The following BIK variants were observed in gnomAD, a reference collection of about 807,000 sequenced individuals.
The protein encoded by BIK is BCL2 interacting killer.
In BIK, 14 loss-of-function variants were observed where a neutral mutation model predicts 12.1. That is an observed-to-expected ratio of 1.16 (90% CI 0.77 to 1.81). The LOEUF (loss-of-function observed/expected upper bound fraction) is 1.81, where lower values mean the gene tolerates loss of function less well. BIK is among the 40% of genes most tolerant of loss of function. BIK has a pLI of 0.00. For synonymous variants in BIK, 86 were observed against 92.3 expected, an observed-to-expected ratio of 0.93 and a Z score of 0.39; for missense variants, 215 against 207.9, an observed-to-expected ratio of 1.03 and a Z score of -0.21.
intron 1 of BIK, among the ~76,000 whole-genome samples, chr22:43,116,688 A>AC (rs1930120258): frequency 1.3e-5 from 2 of 151,730 alleles, no homozygotes; most frequent in Non-Finnish European, 2.9e-5. Flanking sequence ...CGATCTCCTG[A>AC]CCTCGTGATC....
chr22:43,120,205 T>C (rs1193583572), intron 1 of BIK, among the ~76,000 whole-genome samples: 1 of 152,150 alleles, frequency 6.6e-6, no homozygotes, highest in African/African-American at 2.4e-5. Flanking sequence ...CCACTTGTTT[T>C]TGAGACAAGT....
chr22:43,129,171 G>T, intron 4 of BIK, 42 bp from the exon 5 acceptor site: 1 of 1,600,670 alleles, frequency 6.2e-7, no homozygotes. Context: ...CCCCATTGCC[G>T]GGGCCTGCCC....
intron 1 of BIK, among the ~76,000 whole-genome samples, chr22:43,111,749 A>C (rs1166075545): frequency 6.6e-6 from 1 of 152,106 alleles, no homozygotes; most frequent in Non-Finnish European, 1.5e-5. Context: ...TGGGAGCCCG[A>C]GCTTCCCAGG....
At chr22:43,122,960 A>T (rs566794387) in intron 1 of BIK, among the ~76,000 whole-genome samples, 1 of 152,140 alleles carries the variant, frequency 6.6e-6, no homozygotes, top group Non-Finnish European at 1.5e-5. Flanking sequence ...ACCAGCTGCA[A>T]GGGATGCTGG....
chr22:43,128,685 C>G, intron 4 of BIK, 60 bp downstream of exon 4: 4 of 1,552,182 alleles, frequency 2.6e-6, no homozygotes, highest in Non-Finnish European at 3.5e-6. Context: ...GCTGTCAGAG[C>G]CGCTCCTTGG....
At chr22:43,111,801 G>A (rs903416374) in intron 1 of BIK, among the ~76,000 whole-genome samples, 2 of 152,178 alleles carry the variant, frequency 1.3e-5, no homozygotes, top group Non-Finnish European at 2.9e-5. Flanking sequence ...TAGGAGGAGC[G>A]CAGTCTGGTG....
At chr22:43,120,627 C>T (rs932479082) in intron 1 of BIK, among the ~76,000 whole-genome samples, 3 of 152,214 alleles carry the variant, frequency 2.0e-5, no homozygotes, top group African/African-American at 7.2e-5. Flanking sequence ...GCTGACAGGA[C>T]TGGGCCTCCC....
chr22:43,127,692 TGCAGTGAC>T lies in BIK; in HGVS notation c.162-1_168del. On this transcript the variant is annotated splice_acceptor_variant and splice_polypyrimidine_tract_variant and coding_sequence_variant and intron_variant, in exon 3 of 5. Coordinates refer to ENST00000216115, the MANE Select transcript of BIK (RefSeq NM_001197.5). LOFTEE classifies it high-confidence loss of function. ...ACACCCGACTCCTGTGTGTGCTCCCTGCAGTGACGCATTGGCCCTGCGGCTGGCCTGCA... is the reference window on the plus strand; with the variant it reads ...ACACCCGACTCCTGTGTGTGCTCCCTGCATTGGCCCTGCGGCTGGCCTGCA... 1.3e-6 allele frequency: 2 copies of T among 1,551,894 alleles called. No individual in the cohort carries two copies. Among genetic ancestry groups the T allele is most frequent in the African/African-American group, 1.4e-5 (1 of 73,422 alleles).
chr22:43,129,043 C>T (rs943540686), intron 4 of BIK, among the ~76,000 whole-genome samples, 170 bp from the exon 5 acceptor site: 7 of 152,246 alleles, frequency 4.6e-5, no homozygotes, highest in African/African-American at 1.2e-4. Flanking sequence ...TCTCTGGCCA[C>T]GTCCTCAGGG....
chr22:43,128,518 G>C lies in BIK; in HGVS notation c.283G>C (p.Asp95His), dbSNP rs545742731. The C allele has an allele frequency of 1.8e-5, 29 of 1,613,838 alleles. No homozygotes were observed. In the South Asian group the frequency reaches 2.3e-4, roughly 13 times the overall value. ...MHSLGLAFIYDQTEDIRDVLR... is the reference protein window; with the variant it reads ...MHSLGLAFIYHQTEDIRDVLR... ...TAGCCTGGGTCTGGCTTTCATCTACGACCAGACTGAGGACATCAGGGATGT... is the reference window on the plus strand; with the variant it reads ...TAGCCTGGGTCTGGCTTTCATCTACCACCAGACTGAGGACATCAGGGATGT... Residue 95 changes from aspartate (D) to histidine (H), a missense_variant, in exon 4 of 5, where the codon GAC (aspartate) becomes CAC (histidine). By Grantham distance (81) the Asp-to-His change is moderately conservative (BLOSUM62 -1). Coordinates refer to ENST00000216115, the MANE Select transcript of BIK (RefSeq NM_001197.5).
In BIK at chr22:43,129,447, T is replaced by C; in HGVS notation, c.*142T>C. On this transcript the variant is annotated 3_prime_UTR_variant, in exon 5 of 5. Coordinates refer to ENST00000216115, the MANE Select transcript of BIK (RefSeq NM_001197.5). ...CCCCGAGATAGTGCTGGAACACTGC[T>C]GAGGTTTTATACTCAGGTTTTTTGT... 7.5e-7 allele frequency: 1 copy of C among 1,331,674 alleles called. No individual in the cohort carries two copies. Among genetic ancestry groups the C allele is most frequent in the East Asian group, 2.6e-5 (1 of 38,714 alleles). The allele number at this position is 1,331,674 out of a possible 1,614,324, so 82.5% of individuals were successfully genotyped here.
At chr22:43,115,267 C>G (rs546899020) in intron 1 of BIK, among the ~76,000 whole-genome samples, 1 of 152,020 alleles carries the variant, frequency 6.6e-6, no homozygotes, top group Admixed American at 6.6e-5. Flanking sequence ...GTGAGTCCCC[C>G]GTGCCTGCCT....
intron 2 of BIK, among the ~76,000 whole-genome samples, chr22:43,127,439 G>T (rs1930339286): frequency 6.6e-6 from 1 of 152,196 alleles, no homozygotes; most frequent in African/African-American, 2.4e-5. Context: ...CCACAGGTGG[G>T]CCTGCCCCAG....
intron 1 of BIK, among the ~76,000 whole-genome samples, chr22:43,121,281 G>T (rs2147022183): frequency 6.6e-6 from 1 of 152,338 alleles, no homozygotes; most frequent in African/African-American, 2.4e-5. Flanking sequence ...ATCAACCTAA[G>T]GTGAGATGTG....
chr22:43,123,941 G>T, intron 1 of BIK, 75 bp from the exon 2 acceptor site: 1 of 1,502,186 alleles, frequency 6.7e-7, no homozygotes, highest in East Asian at 2.3e-5. Flanking sequence ...ATACAATCTG[G>T]GGGTCATCCT....
chr22:43,111,426 C>T (rs1489794578), intron 1 of BIK, among the ~76,000 whole-genome samples: 4 of 152,208 alleles, frequency 2.6e-5, no homozygotes, highest in African/African-American at 9.6e-5. Flanking sequence ...CACAGGTGCG[C>T]CCCAGACTGG....
chr22:43,122,294 G>A (rs1201695607), intron 1 of BIK, among the ~76,000 whole-genome samples: 1 of 152,192 alleles, frequency 6.6e-6, no homozygotes, highest in Admixed American at 6.5e-5. Context: ...AGAACACCCA[G>A]GGCATTATGG....
Position 43,129,241 on chromosome 22 carries a change from T to C in BIK, c.419T>C (p.Leu140Pro). The C allele has an allele frequency of 6.4e-7, 1 of 1,566,826 alleles. No homozygotes were observed. The highest frequency in any genetic ancestry group is 8.6e-7 in the Non-Finnish European group (1 of 1,158,744). The stretch of plus-strand genomic sequence containing the variant: ...TCCTGCGAACAGGTGCTGCTGGCGC[T>C]GCTGCTGCTGCTGGCGCTGCTGCTG... Reference protein sequence around the residue: ...WVSCEQVLLALLLLLALLLPL... With the variant: ...WVSCEQVLLAPLLLLALLLPL... The change falls in exon 5 of 5, where the codon CTG (leucine) becomes CCG (proline). Residue 140 changes from leucine to proline, a missense_variant. By Grantham distance (98) the Leu-to-Pro change is moderately conservative. Transcript: ENST00000216115.
At chr22:43,114,449 C>T (rs1472731629) in intron 1 of BIK, among the ~76,000 whole-genome samples, 8 of 152,028 alleles carry the variant, frequency 5.3e-5, no homozygotes, top group Admixed American at 2.6e-4. Context: ...ATTACAGGCG[C>T]GTGCCACCAC....
Sources: gnomAD v4.1 joint callset for allele counts (sites outside exome capture counted in the v4.1 genomes callset) on GRCh38, gnomAD v4.1.1 for gene constraint, MANE v1.5 for transcripts, NCBI Gene and HGNC (gene_info 2026-07-23, HGNC 2026-07-21) for gene names.